Variants in CDH13 observed in about 807,000 individuals in gnomAD.
The protein encoded by CDH13 is cadherin-13.
Under a neutral mutation model 63.8 loss-of-function variants are expected in CDH13, and 24 were observed. That is an observed-to-expected ratio of 0.38 (90% CI 0.27 to 0.53). The LOEUF (loss-of-function observed/expected upper bound fraction) is 0.53, where lower values mean the gene tolerates loss of function less well. Among genes scored for constraint, CDH13 ranks in the 20% least tolerant of loss-of-function variants. The pLI is 0.85. For missense variants in CDH13, 1,049 were observed against 903.1 expected (o/e 1.16, Z -2.07); for synonymous variants, 503 against 355.3 (o/e 1.42, Z -4.67).
chr16:83,395,841 G>C (rs1398980984), intron 6 of CDH13, among the ~76,000 whole-genome samples: 2 of 152,236 alleles, frequency 1.3e-5, no homozygotes, highest in African/African-American at 2.4e-5. Flanking sequence ...GGATGTGTAG[G>C]TTTGTTACAT....
intron 8 of CDH13, among the ~76,000 whole-genome samples, chr16:83,664,198 A>T (rs1235245200): frequency 6.6e-6 from 1 of 152,060 alleles, no homozygotes; most frequent in Non-Finnish European, 1.5e-5. Flanking sequence ...AATGACTAGG[A>T]CTATGATGAT....
chr16:83,182,675 T>A (rs971052720), intron 4 of CDH13, among the ~76,000 whole-genome samples: 1 of 152,232 alleles, frequency 6.6e-6, no homozygotes, highest in African/African-American at 2.4e-5. Context: ...TTCTTTGGGG[T>A]TTACCAAGTA....
chr16:83,293,174 C>A (rs1418734702), intron 5 of CDH13, among the ~76,000 whole-genome samples: 3 of 152,152 alleles, frequency 2.0e-5, no homozygotes, highest in African/African-American at 4.8e-5. Context: ...TATGAGCGGT[C>A]TTTGCACTAC....
intron 11 of CDH13, among the ~76,000 whole-genome samples, chr16:83,752,733 T>C (rs1959519184): frequency 6.6e-6 from 1 of 152,234 alleles, no homozygotes; most frequent in Admixed American, 6.5e-5. Flanking sequence ...AGTCTCATTT[T>C]CTACATATAC....
chr16:82,670,400 G>T (rs1237780372), intron 1 of CDH13, among the ~76,000 whole-genome samples: 7 of 152,122 alleles, frequency 4.6e-5, no homozygotes, highest in Admixed American at 4.6e-4. Context: ...ACGCACCTAT[G>T]GGTGTGAAAT....
In CDH13 at chr16:82,896,911, G is replaced by A. The variant is rs191512579; in HGVS notation, c.157+38438G>A. 1.2e-3 allele frequency among the ~76,000 whole-genome samples: 181 copies of A among 150,284 alleles called. 1 individual carries two copies. The highest frequency in any genetic ancestry group is 6.9e-3 in the Middle Eastern group (2 of 290). On this transcript the variant is annotated intron_variant, in intron 2 of 13. Transcript: ENST00000567109. ...TTCTCCTGCCTCAGCCTCCCCAGTC[G>A]CTGGGACTACAGGTGCCCGCCATCA...
At chr16:82,915,810 C>T (rs1465729967) in intron 2 of CDH13, among the ~76,000 whole-genome samples, 1 of 150,362 alleles carries the variant, frequency 6.7e-6, no homozygotes. Context: ...CTCTGACATA[C>T]ACCCTCTACA....
chr16:82,633,156 G>A (rs1006342678), intron 1 of CDH13, among the ~76,000 whole-genome samples: 6 of 152,160 alleles, frequency 3.9e-5, no homozygotes, highest in African/African-American at 1.4e-4. Flanking sequence ...CCTGGAGGTT[G>A]GGAACCCCTG....
At chr16:83,031,482 A>G (rs1385047725) in intron 2 of CDH13, among the ~76,000 whole-genome samples, 1 of 151,342 alleles carries the variant, frequency 6.6e-6, no homozygotes, top group Non-Finnish European at 1.5e-5. Context: ...GTACATGTAT[A>G]TGCACATCGT....
At chr16:82,879,176 G>T (rs1317480905) in intron 2 of CDH13, among the ~76,000 whole-genome samples, 1 of 152,134 alleles carries the variant, frequency 6.6e-6, no homozygotes, top group East Asian at 1.9e-4. Flanking sequence ...GTGGCAGGCA[G>T]ATGCCCAGCT....
At chr16:82,849,888 A>C (rs2151149874) in intron 1 of CDH13, among the ~76,000 whole-genome samples, 1 of 152,330 alleles carries the variant, frequency 6.6e-6, no homozygotes, top group African/African-American at 2.4e-5. Context: ...TGATTTATTC[A>C]ATATTTTAAG....
At chr16:83,486,437 A>G (rs1403047721) in intron 6 of CDH13, 40 bp from the exon 7 acceptor site, 12 of 1,584,714 alleles carry the variant, frequency 7.6e-6, no homozygotes, top group Non-Finnish European at 9.5e-6. Flanking sequence ...TTGTTGACCC[A>G]TTGATAACCA....
At position 83,045,101 on chromosome 16, in the gene CDH13, C is replaced by A. The variant is rs150956406; in HGVS notation, c.366+12883C>A. Among the ~76,000 whole-genome samples, 305 of 152,200 alleles carry A rather than the reference C, an allele frequency of 2.0e-3. 1 individual carries two copies. The highest frequency in any genetic ancestry group is 0.017 in the Middle Eastern group (5 of 294). ...TCACATGGAGATACTTGGTCACTGCCGGCTTTGCGGTCGGCATGACTCCTA... is the reference window on the plus strand; with the variant it reads ...TCACATGGAGATACTTGGTCACTGCAGGCTTTGCGGTCGGCATGACTCCTA... On this transcript the variant is annotated intron_variant, in intron 3 of 13. Coordinates refer to ENST00000567109, the MANE Select transcript of CDH13 (RefSeq NM_001257.5).
At chr16:82,772,707 T>C (rs1017208065) in intron 1 of CDH13, among the ~76,000 whole-genome samples, 9 of 152,250 alleles carry the variant, frequency 5.9e-5, no homozygotes. Context: ...CTAACTATTA[T>C]TATCATCTTT....
intron 1 of CDH13, among the ~76,000 whole-genome samples, chr16:82,763,272 C>T (rs944159673): frequency 1.3e-5 from 2 of 152,224 alleles, no homozygotes; most frequent in African/African-American, 4.8e-5. Context: ...TCCTATCACT[C>T]TCTGTCCCTT....
intron 7 of CDH13, among the ~76,000 whole-genome samples, chr16:83,541,114 C>T (rs1304715606): frequency 6.6e-6 from 1 of 152,064 alleles, no homozygotes; most frequent in East Asian, 1.9e-4. Context: ...GACTCTCAGC[C>T]CAGCTGCCAC....
chr16:82,922,787 T>C (rs2042196072), intron 2 of CDH13, among the ~76,000 whole-genome samples: 1 of 152,200 alleles, frequency 6.6e-6, no homozygotes, highest in Non-Finnish European at 1.5e-5. Flanking sequence ...GGTGAGCCAC[T>C]AGCTAGTCTG....
intron 5 of CDH13, among the ~76,000 whole-genome samples, chr16:83,225,337 A>G (rs1456166097): frequency 2.6e-5 from 4 of 152,170 alleles, no homozygotes; most frequent in Admixed American, 6.5e-5. Context: ...CCGGTGTGCC[A>G]TTTGAAAGCC....
At chr16:83,034,360 A>G (rs994835227) in intron 3 of CDH13, among the ~76,000 whole-genome samples, 3 of 152,174 alleles carry the variant, frequency 2.0e-5, no homozygotes, top group Non-Finnish European at 4.4e-5. Context: ...AGTTAAGGAT[A>G]GATGGCAACC....
Sources: allele counts gnomAD v4.1 joint callset (sites outside exome capture counted in the v4.1 genomes callset), GRCh38; gene constraint gnomAD v4.1.1; transcripts MANE v1.5; gene names NCBI Gene and HGNC (gene_info 2026-07-23, HGNC 2026-07-21).